The following ADAMTSL3 variants were observed in gnomAD, a reference collection of about 807,000 sequenced individuals.
The protein encoded by ADAMTSL3 is ADAMTS-like protein 3.
A neutral mutation model predicts 201.7 loss-of-function variants in ADAMTSL3; 128 were observed. That is an observed-to-expected ratio of 0.63 (90% CI 0.55 to 0.73). The LOEUF (loss-of-function observed/expected upper bound fraction) is 0.73, where lower values mean the gene tolerates loss of function less well. Among genes scored for constraint, ADAMTSL3 ranks in the 30% least tolerant of loss-of-function variants. The pLI is 0.00. For synonymous variants in ADAMTSL3, 738 were observed against 748.4 expected, an observed-to-expected ratio of 0.99 and a Z score of 0.23; for missense variants, 1,990 against 2,119.6, an observed-to-expected ratio of 0.94 and a Z score of 1.20.
chr15:84,028,380 G>C (rs1040436325), intron 27 of ADAMTSL3, among the ~76,000 whole-genome samples: 2 of 152,154 alleles, frequency 1.3e-5, no homozygotes, highest in African/African-American at 4.8e-5. Context: ...AAAGAGCTAA[G>C]TGTATCAGTA....
At chr15:83,668,149 A>G (rs2061274683) in intron 2 of ADAMTSL3, among the ~76,000 whole-genome samples, 1 of 152,098 alleles carries the variant, frequency 6.6e-6, no homozygotes, top group Non-Finnish European at 1.5e-5. Flanking sequence ...GACAAAATAT[A>G]CACCCAACAA....
intron 2 of ADAMTSL3, among the ~76,000 whole-genome samples, chr15:83,681,072 A>G (rs2061470752): frequency 6.6e-6 from 1 of 152,134 alleles, no homozygotes; most frequent in Non-Finnish European, 1.5e-5. Flanking sequence ...CCCTATCACT[A>G]TTTGCAGTAT....
chr15:83,773,801 A>G (rs2141754693), intron 4 of ADAMTSL3, 151 bp downstream of exon 4: 1 of 1,171,858 alleles, frequency 8.5e-7, no homozygotes, highest in Non-Finnish European at 1.2e-6. Context: ...CTAGGTTAAC[A>G]TATTTAAGCA....
chr15:83,784,773 T>C (rs1306416998), intron 4 of ADAMTSL3, among the ~76,000 whole-genome samples: 2 of 151,618 alleles, frequency 1.3e-5, no homozygotes, highest in African/African-American at 4.9e-5. Context: ...TTTCTCCTTA[T>C]GTAAAATGAT....
chr15:84,000,103 A>C (rs1476661875), intron 23 of ADAMTSL3, among the ~76,000 whole-genome samples: 1 of 151,640 alleles, frequency 6.6e-6, no homozygotes, highest in African/African-American at 2.4e-5. Context: ...GTATTTACCC[A>C]CCAGTTTTTG....
chr15:84,036,781 T>G lies in ADAMTSL3; in HGVS notation c.4763T>G (p.Leu1588Ter). 1 of 1,609,484 alleles carries G rather than the reference T, an allele frequency of 6.2e-7. No individual in the cohort carries two copies. The highest frequency in any genetic ancestry group is 8.5e-7 in the Non-Finnish European group (1 of 1,177,694). The change falls in exon 29 of 30, where the codon TTA (leucine) becomes TGA (stop). Residue 1588 changes from leucine to a stop codon, truncating the protein, a stop_gained. Transcript: ENST00000286744. LOFTEE classifies it high-confidence loss of function. ...TTTATTTTTCACTTCAGACCCACCTTAAGAAGGAACTGCACATCAGGGGCC... is the reference window on the plus strand; with the variant it reads ...TTTATTTTTCACTTCAGACCCACCTGAAGAAGGAACTGCACATCAGGGGCC... Reference protein sequence around the residue: ...SNCDDRKRPTLRRNCTSGACD... With the variant: ...SNCDDRKRPT
intron 4 of ADAMTSL3, among the ~76,000 whole-genome samples, chr15:83,777,105 C>T (rs551993265): frequency 6.6e-6 from 1 of 152,174 alleles, no homozygotes; most frequent in African/African-American, 2.4e-5. Context: ...GCACTCAGAC[C>T]TGCATCTGCC....
intron 16 of ADAMTSL3, among the ~76,000 whole-genome samples, chr15:83,922,969 G>T (rs1223247394): frequency 6.6e-6 from 1 of 152,022 alleles, no homozygotes; most frequent in Non-Finnish European, 1.5e-5. Flanking sequence ...ATCTTGTTCC[G>T]TCTGATTTTC....
chr15:84,024,212 C>T (rs1394020384), intron 26 of ADAMTSL3, among the ~76,000 whole-genome samples: 2 of 152,228 alleles, frequency 1.3e-5, no homozygotes, highest in South Asian at 2.1e-4. Flanking sequence ...GCCGAGGTTG[C>T]GCCACTGCAC....
chr15:83,781,067 C>G (rs1386840461), intron 4 of ADAMTSL3, among the ~76,000 whole-genome samples: 1 of 151,802 alleles, frequency 6.6e-6, no homozygotes, highest in Non-Finnish European at 1.5e-5. Flanking sequence ...TATTTCTATT[C>G]AAGTAACATT....
At chr15:83,850,484 G>A (rs1282792548) in intron 7 of ADAMTSL3, among the ~76,000 whole-genome samples, 1 of 149,792 alleles carries the variant, frequency 6.7e-6, no homozygotes, top group Admixed American at 6.7e-5. Context: ...GTATATGGGT[G>A]TATAATATTT....
At chr15:83,884,133 TCTAC>T (rs2065339357) in intron 9 of ADAMTSL3, among the ~76,000 whole-genome samples, 1 of 151,658 alleles carries the variant, frequency 6.6e-6, no homozygotes, top group Non-Finnish European at 1.5e-5. Context: ...CCTCAGATGA[TCTAC>T]CCACCTCAGC....
chr15:83,870,848 T>C lies in ADAMTSL3; in HGVS notation c.849T>C (p.Phe283=). 6.2e-7 allele frequency: 1 copy of C among 1,612,644 alleles called. No individual in the cohort carries two copies. The highest frequency in any genetic ancestry group is 8.5e-7 in the Non-Finnish European group (1 of 1,179,554). ...AAGGAAGCAAAGGAGAACACAGCTT[T>C]AACAGCCCCGGCGTCTTTCTCGTAG... ...TLQGSKGEHS[F]NSPGVFLVEN... The change falls in exon 9 of 30, where the codon TTT becomes TTC. Residue 283 remains phenylalanine (F), a synonymous_variant. Coordinates refer to ENST00000286744, the MANE Select transcript of ADAMTSL3 (RefSeq NM_207517.3).
chr15:83,892,802 A>C lies in ADAMTSL3; in HGVS notation c.1381A>C (p.Lys461Gln), dbSNP rs200613742. 4.3e-6 allele frequency: 7 copies of C among 1,614,030 alleles called. No homozygotes were observed. The highest frequency in any genetic ancestry group is 5.9e-6 in the Non-Finnish European group (7 of 1,180,020). The change falls in exon 13 of 30, where the codon AAG (lysine) becomes CAG (glutamine). Residue 461 changes from lysine to glutamine, a missense_variant. Lys to Gln is a moderately conservative substitution (Grantham distance 53). Coordinates refer to ENST00000286744, the MANE Select transcript of ADAMTSL3 (RefSeq NM_207517.3). ...AGAGATATTGCAGGTGGAAGAATGG[A>C]AGTGCATGTACGCACCCAAACCCAA... ...HGEILQVEEW[K>Q]CMYAPKPKVM... is the part of the protein sequence containing the mutation.
intron 17 of ADAMTSL3, among the ~76,000 whole-genome samples, chr15:83,932,211 A>T (rs1167121803): frequency 6.6e-6 from 1 of 152,248 alleles, no homozygotes; most frequent in Middle Eastern, 3.2e-3. Flanking sequence ...GACTGTATAC[A>T]TCAGTTTCTA....
chr15:83,964,219 A>G (rs1268240541), intron 19 of ADAMTSL3, among the ~76,000 whole-genome samples: 2 of 152,194 alleles, frequency 1.3e-5, no homozygotes, highest in East Asian at 1.9e-4. Context: ...AGTAATAACA[A>G]ACTCCTCCAA....
intron 3 of ADAMTSL3, among the ~76,000 whole-genome samples, chr15:83,709,278 G>A (rs2061899377): frequency 6.6e-6 from 1 of 152,164 alleles, no homozygotes; most frequent in South Asian, 2.1e-4. Flanking sequence ...AAATGGCACT[G>A]ACTTTCTATT....
intron 6 of ADAMTSL3, among the ~76,000 whole-genome samples, chr15:83,826,237 C>A (rs2064019046): frequency 6.6e-6 from 1 of 151,950 alleles, no homozygotes; most frequent in South Asian, 2.1e-4. Context: ...TGCACTCCAC[C>A]CCTAAGTAGC....
intron 23 of ADAMTSL3, among the ~76,000 whole-genome samples, chr15:83,997,967 A>G (rs1263047008): frequency 6.6e-6 from 1 of 152,040 alleles, no homozygotes; most frequent in Non-Finnish European, 1.5e-5. Context: ...ATACCTGGCC[A>G]GTCAGGACTT....
Sources: gnomAD v4.1 joint callset for allele counts (sites outside exome capture counted in the v4.1 genomes callset) on GRCh38, gnomAD v4.1.1 for gene constraint, MANE v1.5 for transcripts, NCBI Gene and HGNC (gene_info 2026-07-23, HGNC 2026-07-21) for gene names.